The following CCBE1 variants were observed in gnomAD, a reference collection of about 807,000 sequenced individuals.
CCBE1 encodes collagen and calcium binding EGF domains 1.
CCBE1 carries 37 observed loss-of-function variants against 50.0 expected under a neutral mutation model. That is an observed-to-expected ratio of 0.74 (90% CI 0.57 to 0.97). The LOEUF (loss-of-function observed/expected upper bound fraction) is 0.97, where lower values mean the gene tolerates loss of function less well. Ranked by LOEUF, CCBE1 falls within the 50% of genes least tolerant of loss-of-function variation. The pLI, the probability that CCBE1 is intolerant of heterozygous loss-of-function variation, is 0.00. For synonymous variants in CCBE1, 234 were observed against 203.7 expected, an observed-to-expected ratio of 1.15 and a Z score of -1.27; for missense variants, 538 against 523.8, an observed-to-expected ratio of 1.03 and a Z score of -0.26.
At chr18:59,550,615 G>C (rs973046144) in intron 2 of CCBE1, among the ~76,000 whole-genome samples, 1 of 152,136 alleles carries the variant, frequency 6.6e-6, no homozygotes, top group Admixed American at 6.5e-5. Context: ...TGCCCAAACC[G>C]TGAGCCCTGT....
intron 2 of CCBE1, 190 bp downstream of exon 2, chr18:59,696,439 G>T: frequency 7.1e-7 from 1 of 1,410,714 alleles, no homozygotes; most frequent in Non-Finnish European, 9.4e-7. Flanking sequence ...AAAGTCAGTT[G>T]CTCAGTGTTG....
In CCBE1 at chr18:59,652,618, G is replaced by A. The variant is rs114707308; in HGVS notation, c.212+44011C>T. Among the ~76,000 whole-genome samples the A allele has an allele frequency of 7.3e-3, 1,115 of 152,314 alleles. 6 individuals are homozygous for A. The highest frequency in any genetic ancestry group is 0.025 in the African/African-American group (1,023 of 41,568). ...CAGCTACCACTGTGAGAGAGCACTC[G>A]GAGTCCCGCTCAGACTCAGAGCCAA... On this transcript the variant is annotated intron_variant, in intron 2 of 10. Transcript: ENST00000439986.
intron 2 of CCBE1, among the ~76,000 whole-genome samples, chr18:59,604,696 A>G (rs1385022070): frequency 2.0e-5 from 3 of 152,240 alleles, no homozygotes; most frequent in African/African-American, 7.2e-5. Context: ...ATTTGTTTCA[A>G]TGTCCAATTT....
intron 9 of CCBE1, 81 bp downstream of exon 9, chr18:59,439,462 C>T (rs1000017568): frequency 6.4e-7 from 1 of 1,555,300 alleles, no homozygotes; most frequent in African/African-American, 1.4e-5. Context: ...GCAAGACCAT[C>T]TCAAAAAACA....
At chr18:59,484,357 TTTTA>T (rs1403071369) in intron 2 of CCBE1, among the ~76,000 whole-genome samples, 9 of 152,166 alleles carry the variant, frequency 5.9e-5, no homozygotes, top group African/African-American at 2.2e-4. Context: ...AAACATATGG[TTTTA>T]TTTGTCTGTT....
At chr18:59,657,223 A>T (rs529827890) in intron 2 of CCBE1, among the ~76,000 whole-genome samples, 1 of 152,346 alleles carries the variant, frequency 6.6e-6, no homozygotes, top group African/African-American at 2.4e-5. Context: ...GAGACCTAGG[A>T]CAGATGTGTG....
intron 2 of CCBE1, among the ~76,000 whole-genome samples, chr18:59,582,225 G>A (rs957027038): frequency 3.3e-5 from 5 of 152,072 alleles, no homozygotes; most frequent in Non-Finnish European, 5.9e-5. Context: ...AGTCTTCACC[G>A]CCACCTCTCC....
intron 2 of CCBE1, among the ~76,000 whole-genome samples, chr18:59,539,182 A>G (rs1287829898): frequency 7.2e-6 from 1 of 139,638 alleles, no homozygotes; most frequent in Non-Finnish European, 1.6e-5. Context: ...CTATATTTAA[A>G]AAACACACAC....
chr18:59,464,538 G>A (rs1911651977), intron 5 of CCBE1, among the ~76,000 whole-genome samples: 1 of 152,212 alleles, frequency 6.6e-6, no homozygotes, highest in Admixed American at 6.5e-5. Flanking sequence ...ACACCCCTGG[G>A]CAGGCACATG....
intron 2 of CCBE1, among the ~76,000 whole-genome samples, chr18:59,647,485 T>C (rs183656594): frequency 6.6e-6 from 1 of 152,366 alleles, no homozygotes; most frequent in East Asian, 1.9e-4. Flanking sequence ...ATTTTCCAGA[T>C]TTTTTTCTGC....
intron 2 of CCBE1, among the ~76,000 whole-genome samples, chr18:59,506,381 C>T (rs1238768263): frequency 6.6e-6 from 1 of 152,178 alleles, no homozygotes; most frequent in Admixed American, 6.5e-5. Flanking sequence ...TAAGAGAGAG[C>T]AGGCTTTTGT....
At chr18:59,526,354 G>A (rs116107499) in intron 2 of CCBE1, among the ~76,000 whole-genome samples, 1,874 of 149,714 alleles carry the variant, frequency 0.013, 49 homozygotes, top group African/African-American at 0.044. Context: ...CTGTCGGCAC[G>A]GCTGGAGTGC....
At chr18:59,612,817 T>TA (rs2053589252) in intron 2 of CCBE1, among the ~76,000 whole-genome samples, 1 of 109,606 alleles carries the variant, frequency 9.1e-6, no homozygotes, top group African/African-American at 3.3e-5. Flanking sequence ...TCTCAAGGGT[T>TA]TTTTTTTTGT....
intron 2 of CCBE1, among the ~76,000 whole-genome samples, chr18:59,693,033 CATCTT>C (rs2054756793): frequency 6.6e-6 from 1 of 151,762 alleles, no homozygotes; most frequent in African/African-American, 2.4e-5. Flanking sequence ...AAACCTATCT[CATCTT>C]GTTTTCTGTG....
rs576183108 is a variant in CCBE1, at chr18:59,683,608, G to A, written c.212+13021C>T. Among the ~76,000 whole-genome samples, 117 of 152,284 alleles carry A rather than the reference G, an allele frequency of 7.7e-4. 1 individual carries two copies. Among genetic ancestry groups the A allele is most frequent in the Non-Finnish European group, 1.2e-3 (85 of 68,018 alleles). The stretch of plus-strand genomic sequence containing the variant: ...AGCTACTCAGGAGGCTGAGGCAGGA[G>A]AATTGCTTGAACCCAGGAGGTGGAG... On this transcript the variant is annotated intron_variant, in intron 2 of 10. Coordinates refer to ENST00000439986, the MANE Select transcript of CCBE1 (RefSeq NM_133459.4).
chr18:59,550,959 C>A (rs9959566), intron 2 of CCBE1, among the ~76,000 whole-genome samples: 1 of 129,312 alleles, frequency 7.7e-6, no homozygotes, highest in Non-Finnish European at 1.6e-5. Flanking sequence ...GAGCTGAGAT[C>A]GCGCCACTGC....
intron 2 of CCBE1, among the ~76,000 whole-genome samples, chr18:59,509,704 A>G (rs1355280560): frequency 2.6e-5 from 4 of 152,216 alleles, no homozygotes; most frequent in Admixed American, 6.5e-5. Flanking sequence ...AGCCATCTTC[A>G]TACAGGAGGG....
chr18:59,633,705 G>C (rs1047380421), intron 2 of CCBE1, among the ~76,000 whole-genome samples: 6 of 151,678 alleles, frequency 4.0e-5, no homozygotes, highest in African/African-American at 1.5e-4. Flanking sequence ...TCAAAGACAG[G>C]CTGCTTCTTC....
At chr18:59,649,500 GAC>G (rs142760840) in intron 2 of CCBE1, among the ~76,000 whole-genome samples, 4,191 of 152,272 alleles carry the variant, frequency 0.028, 187 homozygotes, top group African/African-American at 0.096. Flanking sequence ...CATAATAACA[GAC>G]AGACATTTAC....
Sources: allele counts gnomAD v4.1 joint callset (sites outside exome capture counted in the v4.1 genomes callset), GRCh38; gene constraint gnomAD v4.1.1; transcripts MANE v1.5; gene names NCBI Gene and HGNC (gene_info 2026-07-23, HGNC 2026-07-21).